KSR2: variants seen among roughly 807,000 people sequenced by gnomAD.
KSR2 encodes kinase suppressor of ras 2.
In KSR2, 25 loss-of-function variants were observed where a neutral mutation model predicts 107.8. That is an observed-to-expected ratio of 0.23 (90% CI 0.17 to 0.32). The LOEUF (loss-of-function observed/expected upper bound fraction) is 0.32. Among genes scored for constraint, KSR2 ranks in the 10% least tolerant of loss-of-function variants. The pLI is 1.00. For missense variants in KSR2, 887 were observed against 1,268.9 expected (o/e 0.70, Z 4.57); for synonymous variants, 480 against 507.0 (o/e 0.95, Z 0.71).
intron 3 of KSR2, among the ~76,000 whole-genome samples, chr12:117,780,494 A>T (rs1481168988): frequency 6.6e-6 from 1 of 152,230 alleles, no homozygotes; most frequent in Non-Finnish European, 1.5e-5. Flanking sequence ...CACTTACATA[A>T]GGTATCTAGA....
intron 3 of KSR2, among the ~76,000 whole-genome samples, chr12:117,826,156 T>C (rs747005873): frequency 1.3e-5 from 2 of 151,904 alleles, no homozygotes; most frequent in Non-Finnish European, 2.9e-5. Context: ...AATGAATGAA[T>C]GAATGAATGA....
At chr12:117,733,808 G>A (rs1887826086) in intron 4 of KSR2, among the ~76,000 whole-genome samples, 1 of 148,812 alleles carries the variant, frequency 6.7e-6, no homozygotes. Context: ...AAGGAAGGCT[G>A]GTTTTTTGCA....
In KSR2 at chr12:117,681,223, T is replaced by C. The variant is rs573153827; in HGVS notation, c.987-13565A>G. Among the ~76,000 whole-genome samples, 3 of 152,308 alleles carry C rather than the reference T, an allele frequency of 2.0e-5. No individual in the cohort carries two copies. In the East Asian group the frequency reaches 5.8e-4, roughly 29 times the overall value. ...AGGTGGAGGCTGCAGTGAGTCAAGA[T>C]TGTGCCACTGCACTCCAGCCTAGGT... On this transcript the variant is annotated intron_variant, in intron 4 of 19. Transcript: ENST00000339824.
intron 1 of KSR2, among the ~76,000 whole-genome samples, chr12:117,919,913 T>G (rs137982959): frequency 6.6e-6 from 1 of 152,336 alleles, no homozygotes; most frequent in East Asian, 1.9e-4. Context: ...GGTTGTTTAT[T>G]TCTGCAGCAT....
intron 4 of KSR2, among the ~76,000 whole-genome samples, chr12:117,724,948 G>A (rs913285773): frequency 6.6e-6 from 1 of 152,038 alleles, no homozygotes; most frequent in Non-Finnish European, 1.5e-5. Flanking sequence ...GATGCTCTTG[G>A]GGCAAGTGAG....
chr12:117,645,857 ATGTGTATGTGCGTGTG>A (rs1883596293), intron 5 of KSR2, among the ~76,000 whole-genome samples: 1 of 131,026 alleles, frequency 7.6e-6, no homozygotes, highest in Admixed American at 8.4e-5. Flanking sequence ...TGGAATGTGC[ATGTGTATGTGCGTGTG>A]TGTGTGTGTG....
intron 1 of KSR2, among the ~76,000 whole-genome samples, chr12:117,956,870 C>T (rs1339075932): frequency 6.6e-6 from 1 of 152,208 alleles, no homozygotes; most frequent in Admixed American, 6.5e-5. Flanking sequence ...TGGTCAATGG[C>T]CACATGTGGC....
chr12:117,584,387 G>A (rs565250699), intron 5 of KSR2, among the ~76,000 whole-genome samples: 1 of 151,954 alleles, frequency 6.6e-6, no homozygotes, highest in Non-Finnish European at 1.5e-5. Context: ...TCTCCAGTGC[G>A]AGGGGTGGGT....
At chr12:117,600,651 G>A (rs771025423) in intron 5 of KSR2, among the ~76,000 whole-genome samples, 6 of 152,202 alleles carry the variant, frequency 3.9e-5, no homozygotes, top group Non-Finnish European at 8.8e-5. Flanking sequence ...GCCTCCAAGG[G>A]AATGTCAACA....
chr12:117,873,714 G>A (rs1318988457), intron 1 of KSR2, among the ~76,000 whole-genome samples: 3 of 152,144 alleles, frequency 2.0e-5, no homozygotes, highest in African/African-American at 7.2e-5. Flanking sequence ...GCCTGCCTTG[G>A]CCTCCCAAGG....
intron 10 of KSR2, among the ~76,000 whole-genome samples, chr12:117,536,137 C>T (rs547179073): frequency 1.3e-5 from 2 of 152,184 alleles, no homozygotes; most frequent in Non-Finnish European, 2.9e-5. Context: ...GTCAACCCCC[C>T]CAGCCCCTTT....
intron 3 of KSR2, among the ~76,000 whole-genome samples, chr12:117,849,819 CAT>C (rs1892851040): frequency 6.6e-6 from 1 of 152,230 alleles, no homozygotes; most frequent in African/African-American, 2.4e-5. Context: ...CCTTGGTCTC[CAT>C]ATGAGTTCCT....
At chr12:117,826,108 G>T (rs1240089884) in intron 3 of KSR2, among the ~76,000 whole-genome samples, 5 of 151,786 alleles carry the variant, frequency 3.3e-5, no homozygotes. Context: ...GAGCAAAGGG[G>T]AGATGGATAG....
At chr12:117,771,200 C>T (rs1889440073) in intron 3 of KSR2, among the ~76,000 whole-genome samples, 1 of 152,146 alleles carries the variant, frequency 6.6e-6, no homozygotes, top group South Asian at 2.1e-4. Context: ...AACCTGCCTC[C>T]CATTCTACTC....
In KSR2 at chr12:117,693,719, A is replaced by G. The variant is rs184570435; in HGVS notation, c.987-26061T>C. On this transcript the variant is annotated intron_variant, in intron 4 of 19. Transcript: ENST00000339824. ...CTCATGTACTGCCAGGCCCTATGCGAGATGCTTTATATGCACAATCTCATG... is the reference window on the plus strand; with the variant it reads ...CTCATGTACTGCCAGGCCCTATGCGGGATGCTTTATATGCACAATCTCATG... 2.2e-3 allele frequency among the ~76,000 whole-genome samples: 332 copies of G among 152,230 alleles called. 2 individuals carry two copies. The highest frequency in any genetic ancestry group is 7.5e-3 in the African/African-American group (312 of 41,530).
At chr12:117,765,201 C>T (rs1889183473) in intron 3 of KSR2, among the ~76,000 whole-genome samples, 1 of 152,218 alleles carries the variant, frequency 6.6e-6, no homozygotes, top group Admixed American at 6.5e-5. Flanking sequence ...TGAGGGAATA[C>T]AAGCTCGTTG....
At chr12:117,790,168 T>C (rs1890206538) in intron 3 of KSR2, among the ~76,000 whole-genome samples, 1 of 152,144 alleles carries the variant, frequency 6.6e-6, no homozygotes, top group Non-Finnish European at 1.5e-5. Flanking sequence ...TTAGAAAGTG[T>C]ATTTTGCCAA....
chr12:117,500,135 G>A (rs1390912525), intron 14 of KSR2, among the ~76,000 whole-genome samples: 1 of 152,214 alleles, frequency 6.6e-6, no homozygotes, highest in Non-Finnish European at 1.5e-5. Context: ...GACATCACGT[G>A]TAGAAGAGAA....
At chr12:117,516,730 C>G (rs1108564) in intron 14 of KSR2, among the ~76,000 whole-genome samples, 61,921 of 151,848 alleles carry the variant, frequency 0.41, 12,894 homozygotes, top group South Asian at 0.55. Flanking sequence ...GCAATAGACC[C>G]AAATGCCAAA....
Sources: gnomAD v4.1 joint callset for allele counts (sites outside exome capture counted in the v4.1 genomes callset) on GRCh38, gnomAD v4.1.1 for gene constraint, MANE v1.5 for transcripts, NCBI Gene and HGNC (gene_info 2026-07-23, HGNC 2026-07-21) for gene names.